Variants in TRIM49C observed in about 807,000 individuals in gnomAD.
TRIM49C encodes tripartite motif containing 49C, also known as tripartite motif-containing protein 49C.
TRIM49C carries 6 observed loss-of-function variants against 21.4 expected under a neutral mutation model. The ratio of observed to expected loss-of-function variants is 0.28; its 90% CI spans 0.15 to 0.55. The LOEUF (loss-of-function observed/expected upper bound fraction) is 0.55. Among genes scored for constraint, TRIM49C ranks in the 20% least tolerant of loss-of-function variants. The pLI is 0.94. For synonymous variants in TRIM49C, 57 were observed against 148.1 expected (o/e 0.38, Z 4.47); for missense variants, 161 against 442.4 (o/e 0.36, Z 5.71).
chr11:90,051,718 A>G, the TRIM49C span: 26 of 194,898 alleles, frequency 1.3e-4, 3 homozygotes, highest in Non-Finnish European at 2.1e-4. Flanking sequence ...CCTTCCTGGG[A>G]GCATCCTAGA....
In TRIM49C at chr11:90,039,906, C is replaced by G; in HGVS notation, c.803C>G (p.Pro268Arg). 1.6e-6 allele frequency: 2 copies of G among 1,251,716 alleles called. No homozygotes were observed. The allele number at this position is 1,251,716 out of a possible 1,614,324, so 77.5% of individuals were successfully genotyped here. The change falls in exon 7 of 8, where the codon CCA becomes CGA. Residue 268 changes from proline (P) to arginine (R), a missense_variant. Around this residue, in one of 3 missense-constraint regions of TRIM49C, gnomAD observed 80 missense variants for 314.8 expected, o/e 0.25. Coordinates refer to ENST00000448984, the MANE Select transcript of TRIM49C (RefSeq NM_001195234.1). ...VLLHMPQPLN[P>R]ELSAGPITGL... ...CTGCACATGCCCCAGCCTCTGAATC[C>G]AGAGCTCAGTGCAGGGCCCATCACT...
At chr11:90,042,552 A>G (rs1015433582), downstream of TRIM49C, among the ~76,000 whole-genome samples, 12 of 122,730 alleles carry the variant, frequency 9.8e-5, 1 homozygote, top group Admixed American at 1.8e-4. Context: ...GCTCACTTTC[A>G]TTAGTCTTAC....
intron 4 of TRIM49C, among the ~76,000 whole-genome samples, chr11:90,037,418 A>G (rs1376205799): frequency 7.6e-6 from 1 of 130,862 alleles, no homozygotes; most frequent in African/African-American, 2.7e-5. Context: ...TTTCCTTTCT[A>G]GTAACTATAG....
chr11:90,064,229 A>G, the TRIM49C span, among the ~76,000 whole-genome samples: 1 of 149,998 alleles, frequency 6.7e-6, no homozygotes, highest in African/African-American at 2.5e-5. Flanking sequence ...TCCTTTCAAT[A>G]CATTAAATGT....
rs7115831 is a variant in TRIM49C, at chr11:90,036,931, G to A, written c.508-818G>A. ...GAGATTAGTGTTTGAGTTTTAAATA[G>A]GGTGGTCAGAAAAAAGACTCACTGA... On this transcript the variant is annotated intron_variant, in intron 4 of 7. Transcript: ENST00000448984. 9.0e-3 allele frequency among the ~76,000 whole-genome samples: 1,207 copies of A among 134,600 alleles called. 121 individuals carry two copies. Among genetic ancestry groups the A allele is most frequent in the African/African-American group, 0.03 (1,119 of 37,908 alleles). 88.3% of individuals were successfully genotyped at this position (134,600 alleles called of 152,430 possible). A position where few individuals can be genotyped will look rare whatever the true frequency, so the allele number is the denominator to read the frequency against.
At chr11:90,073,154 A>T in the TRIM49C span, 1 of 1,066,066 alleles carries the variant, frequency 9.4e-7, no homozygotes, top group Non-Finnish European at 1.4e-6. Flanking sequence ...GTTTAACTCT[A>T]AGGACATATT....
the TRIM49C span, among the ~76,000 whole-genome samples, chr11:90,055,784 G>A: frequency 6.8e-6 from 1 of 146,536 alleles, no homozygotes; most frequent in Non-Finnish European, 1.5e-5. Flanking sequence ...ACTGGTTGAA[G>A]ATGTCAGTTT....
intron 2 of TRIM49C, among the ~76,000 whole-genome samples, chr11:90,033,985 T>C (rs595078): frequency 0.032 from 4,111 of 128,390 alleles, 502 homozygotes; most frequent in Non-Finnish European, 0.049. Flanking sequence ...ACACCTGACA[T>C]ATTTCTCAGA....
At chr11:90,035,854 T>G (rs1849277834) in intron 3 of TRIM49C, 34 bp from the exon 4 acceptor site, 1 of 606,802 alleles carries the variant, frequency 1.6e-6, no homozygotes, top group Non-Finnish European at 2.4e-6. Flanking sequence ...TGTCATGGTC[T>G]GCACTGGTGC....
intron 4 of TRIM49C, among the ~76,000 whole-genome samples, chr11:90,037,009 T>C (rs1318785511): frequency 1.5e-5 from 2 of 134,028 alleles, no homozygotes; most frequent in African/African-American, 5.3e-5. Context: ...CAAATGTGTG[T>C]GTGGATATAT....
intron 2 of TRIM49C, among the ~76,000 whole-genome samples, chr11:90,034,638 T>G (rs1334674644): frequency 7.9e-6 from 1 of 126,878 alleles, no homozygotes; most frequent in Non-Finnish European, 1.6e-5. Flanking sequence ...ATTTGGGTCT[T>G]TGTTTTTAAT....
chr11:90,064,370 G>A, the TRIM49C span, among the ~76,000 whole-genome samples: 89 of 151,350 alleles, frequency 5.9e-4, 1 homozygote, highest in African/African-American at 1.7e-3. Flanking sequence ...TTAATCAACC[G>A]TTAATTATCT....
chr11:90,053,665 G>T, the TRIM49C span: 1 of 151,038 alleles, frequency 6.6e-6, no homozygotes, highest in Non-Finnish European at 1.5e-5. Flanking sequence ...GCCTAGGAGT[G>T]GGGATGGCGG....
chr11:90,069,924 T>C, the TRIM49C span, among the ~76,000 whole-genome samples: 1 of 120,554 alleles, frequency 8.3e-6, no homozygotes, highest in Admixed American at 8.9e-5. Context: ...GGAGAATGTC[T>C]GCCTATTGAC....
the TRIM49C span, among the ~76,000 whole-genome samples, chr11:90,072,056 G>A: frequency 7.1e-6 from 1 of 141,014 alleles, no homozygotes; most frequent in Non-Finnish European, 1.5e-5. Flanking sequence ...TGCTTCAACC[G>A]TGATACAATT....
chr11:90,051,884 C>T, the TRIM49C span: 3 of 465,090 alleles, frequency 6.5e-6, 1 homozygote, highest in Non-Finnish European at 1.1e-5. Context: ...TGCACCTTGG[C>T]CTGGCGCTTC....
chr11:90,069,355 G>A, the TRIM49C span, among the ~76,000 whole-genome samples: 2 of 128,870 alleles, frequency 1.6e-5, 1 homozygote, highest in Non-Finnish European at 3.2e-5. Flanking sequence ...GTCGTGATCC[G>A]CCCACCTCGA....
chr11:90,065,715 G>T, the TRIM49C span, among the ~76,000 whole-genome samples: 10 of 140,698 alleles, frequency 7.1e-5, 3 homozygotes, highest in Non-Finnish European at 1.4e-4. Flanking sequence ...CCAGCACTGT[G>T]GGAGGCCCAC....
the TRIM49C span, chr11:90,063,065 G>C: frequency 2.2e-6 from 3 of 1,373,558 alleles, no homozygotes; most frequent in Non-Finnish European, 1.9e-6. Context: ...CCGATGAAAA[G>C]GAAAAAAAGG....
Sources: allele counts gnomAD v4.1 joint callset (sites outside exome capture counted in the v4.1 genomes callset), GRCh38; gene constraint gnomAD v4.1.1; regional missense constraint gnomAD v4.1.1; transcripts MANE v1.5; gene names NCBI Gene and HGNC (gene_info 2026-07-23, HGNC 2026-07-21).